The following COL9A1 variants were observed in gnomAD, a reference collection of about 807,000 sequenced individuals.
COL9A1 encodes collagen alpha-1(IX) chain.
COL9A1 carries 104 observed loss-of-function variants against 142.6 expected under a neutral mutation model. The ratio of observed to expected loss-of-function variants is 0.73; its 90% confidence interval spans 0.62 to 0.86. The LOEUF is 0.86. COL9A1 is among the 40% of genes least tolerant of loss of function. The pLI is 0.00. For missense variants in COL9A1, 1,210 were observed against 1,176.6 expected (o/e 1.03, Z -0.42); for synonymous variants, 466 against 396.0 (o/e 1.18, Z -2.10).
chr6:70,271,707 C>T lies in COL9A1; in HGVS notation c.1091G>A (p.Gly364Asp). The T allele has an allele frequency of 6.2e-7, 1 of 1,613,650 alleles. No individual in the cohort carries two copies. The highest frequency in any genetic ancestry group is 8.5e-7 in the Non-Finnish European group (1 of 1,179,716). The change falls in exon 14 of 38, where the codon GGT (glycine) becomes GAT (aspartate). Residue 364 changes from glycine to aspartate, a missense_variant and splice_region_variant. Transcript: ENST00000357250. ...AGGGAGTCCTGCTGTCCCAGGAGGA[C>T]CCTGAAGTCAACAAATCAAAGCAAA... ...FPGRGIPGPP[G>D]PPGTAGLPGE...
chr6:70,292,022 A>G (rs1391355555), intron 5 of COL9A1, among the ~76,000 whole-genome samples: 1 of 152,222 alleles, frequency 6.6e-6, no homozygotes. Flanking sequence ...TATATTAAGC[A>G]TATTAAGATG....
chr6:70,241,172 C>T (rs1309172776), intron 31 of COL9A1, among the ~76,000 whole-genome samples: 1 of 152,170 alleles, frequency 6.6e-6, no homozygotes, highest in Non-Finnish European at 1.5e-5. Flanking sequence ...AGAGACAGAG[C>T]CACGCTCTTC....
intron 5 of COL9A1, among the ~76,000 whole-genome samples, chr6:70,288,859 T>C (rs1307862860): frequency 6.6e-6 from 1 of 152,170 alleles, no homozygotes; most frequent in African/African-American, 2.4e-5. Context: ...CCTCCACATA[T>C]ACTTATGTAT....
In COL9A1 at chr6:70,269,635, A is replaced by G. The variant is rs1193201076; in HGVS notation, c.1228T>C (p.Leu410=). 5 of 1,590,770 alleles carry G rather than the reference A, an allele frequency of 3.1e-6. No homozygotes were observed. Among genetic ancestry groups the G allele is most frequent in the Non-Finnish European group, 4.3e-6 (5 of 1,158,670 alleles). ...GTIGFHDGDP[L]CPNACPPGRS... is the part of the protein sequence containing the mutation. ...TTGTTCAAAGGAAAGCATCTTACCA[A>G]TGGATCTCCATCATGAAAGCCAATT... The change falls in exon 16 of 38, where the codon TTG becomes CTG. Residue 410 remains leucine, a splice_region_variant and synonymous_variant. Coordinates refer to ENST00000357250, the MANE Select transcript of COL9A1 (RefSeq NM_001851.6).
intron 12 of COL9A1, 155 bp downstream of exon 12, chr6:70,273,892 T>C (rs1368431016): frequency 3.0e-6 from 1 of 332,198 alleles, no homozygotes; most frequent in Non-Finnish European, 5.2e-6. Flanking sequence ...TTATTTCTCA[T>C]GTATATTATG....
intron 21 of COL9A1, 78 bp downstream of exon 21, chr6:70,256,690 A>G: frequency 2.5e-6 from 3 of 1,189,596 alleles, no homozygotes; most frequent in Non-Finnish European, 3.7e-6. Context: ...TCACACATAA[A>G]CAATACTGCA....
intron 4 of COL9A1, among the ~76,000 whole-genome samples, chr6:70,298,512 T>A (rs553255688): frequency 6.6e-6 from 1 of 152,322 alleles, no homozygotes; most frequent in African/African-American, 2.4e-5. Context: ...AAACAAGATT[T>A]TTTAGTCCTT....
At chr6:70,300,435 G>T in intron 2 of COL9A1, 49 bp from the exon 3 acceptor site, 1 of 805,032 alleles carries the variant, frequency 1.2e-6, no homozygotes, top group Non-Finnish European at 1.9e-6. Context: ...CTAACTTAAA[G>T]TATAATAATA....
At chr6:70,232,497 T>C in intron 36 of COL9A1, 86 bp downstream of exon 36, 1 of 1,451,198 alleles carries the variant, frequency 6.9e-7, no homozygotes, top group African/African-American at 1.4e-5. Flanking sequence ...CAGAAATTGG[T>C]AAAACATAAA....
chr6:70,279,833 C>T, intron 10 of COL9A1: 4 of 487,448 alleles, frequency 8.2e-6, no homozygotes, highest in Non-Finnish European at 1.5e-5. Flanking sequence ...GTCAAAAATT[C>T]TTGGAAATCA....
At chr6:70,217,185 G>C in intron 37 of COL9A1, 104 bp from the exon 38 acceptor site, 1 of 1,028,368 alleles carries the variant, frequency 9.7e-7, no homozygotes, top group Non-Finnish European at 1.5e-6. Context: ...TTTAACAAAC[G>C]CTTTTGGAAG....
At chr6:70,262,533 GTCT>G (rs1247404884) in intron 19 of COL9A1, among the ~76,000 whole-genome samples, 1 of 152,090 alleles carries the variant, frequency 6.6e-6, no homozygotes, top group Non-Finnish European at 1.5e-5. Context: ...ACCTGAGCTC[GTCT>G]TCTATAGAGT....
At chr6:70,264,464 G>C (rs1771888718) in intron 18 of COL9A1, among the ~76,000 whole-genome samples, 1 of 151,964 alleles carries the variant, frequency 6.6e-6, no homozygotes, top group Non-Finnish European at 1.5e-5. Context: ...AGTGGGAAGA[G>C]GCAGTCCCAA....
rs200194450 is a variant in COL9A1, at chr6:70,242,023, T to G, written c.1939A>C (p.Ser647Arg). ...GLPGKLGSLG[S>R]PGLPGLPGPP... ...CCAGGCAAGCCAGGGAGGCCAGGGC[T>G]ACCCAGAGAACCCTGGAAAGCAAAA... Residue 647 changes from serine (S) to arginine (R), a missense_variant, in exon 30 of 38, where the codon AGC becomes CGC. Transcript: ENST00000357250. 1.9e-5 allele frequency: 31 copies of G among 1,596,058 alleles called. No homozygotes were observed. Among genetic ancestry groups the G allele is most frequent in the Middle Eastern group, 1.7e-4 (1 of 6,046 alleles).
intron 20 of COL9A1, among the ~76,000 whole-genome samples, chr6:70,260,164 T>G (rs1393634543): frequency 6.6e-6 from 1 of 152,190 alleles, no homozygotes; most frequent in Non-Finnish European, 1.5e-5. Context: ...ATGGCAAATA[T>G]CATGCATACT....
intron 30 of COL9A1, among the ~76,000 whole-genome samples, chr6:70,241,678 T>C (rs1413118568): frequency 6.6e-6 from 1 of 152,134 alleles, no homozygotes; most frequent in African/African-American, 2.4e-5. Context: ...TCTGATCACA[T>C]CCTCATAAAA....
intron 5 of COL9A1, among the ~76,000 whole-genome samples, 178 bp downstream of exon 5, chr6:70,293,989 T>C (rs1773751888): frequency 6.6e-6 from 1 of 152,204 alleles, no homozygotes; most frequent in African/African-American, 2.4e-5. Context: ...TAGGTGGGCA[T>C]GTAACACTTT....
chr6:70,242,110 G>T, intron 29 of COL9A1, 75 bp from the exon 30 acceptor site: 1 of 1,290,208 alleles, frequency 7.8e-7, no homozygotes, highest in Non-Finnish European at 1.1e-6. Context: ...AAACAACCTT[G>T]GGTGTGTTGA....
At chr6:70,252,664 G>A (rs1771019127) in intron 26 of COL9A1, among the ~76,000 whole-genome samples, 1 of 151,754 alleles carries the variant, frequency 6.6e-6, no homozygotes. Context: ...ATAATTATTT[G>A]AGTCTTTCTA....
Sources: allele counts gnomAD v4.1 joint callset (sites outside exome capture counted in the v4.1 genomes callset), GRCh38; gene constraint gnomAD v4.1.1; transcripts MANE v1.5; gene names NCBI Gene and HGNC (gene_info 2026-07-23, HGNC 2026-07-21).